The following TENM2 variants were observed in gnomAD, a reference collection of about 807,000 sequenced individuals.
The protein encoded by TENM2 is teneurin-2.
In TENM2, 52 loss-of-function variants were observed where a neutral mutation model predicts 245.2. The observed-to-expected ratio is 0.21, with a 90% CI of 0.17 to 0.27. The LOEUF (loss-of-function observed/expected upper bound fraction) is 0.27, where lower values mean the gene tolerates loss of function less well. TENM2 is among the 10% of genes least tolerant of loss of function. The pLI is 1.00. For missense variants in TENM2, 3,046 were observed against 3,666.8 expected, an observed-to-expected ratio of 0.83 and a Z score of 4.37; for synonymous variants, 1,363 against 1,438.9, an observed-to-expected ratio of 0.95 and a Z score of 1.19.
At chr5:167,934,527 T>C (rs962500052) in intron 3 of TENM2, among the ~76,000 whole-genome samples, 2 of 152,180 alleles carry the variant, frequency 1.3e-5, no homozygotes, top group African/African-American at 4.8e-5. Flanking sequence ...TCTGTTTTCC[T>C]CTGGAAAACA....
intron 2 of TENM2, among the ~76,000 whole-genome samples, chr5:167,409,752 CAGGT>C (rs1470953524): frequency 6.6e-6 from 1 of 151,560 alleles, no homozygotes; most frequent in Non-Finnish European, 1.5e-5. Flanking sequence ...CATTTTTATT[CAGGT>C]AGGGGTGTGT....
At chr5:167,060,986 G>C in the TENM2 span, among the ~76,000 whole-genome samples, 1 of 152,012 alleles carries the variant, frequency 6.6e-6, no homozygotes, top group Non-Finnish European at 1.5e-5. Flanking sequence ...ATTTGAGGGA[G>C]TGTCTAGTGT....
chr5:167,804,115 C>T (rs558692785), intron 2 of TENM2, among the ~76,000 whole-genome samples: 11 of 151,988 alleles, frequency 7.2e-5, no homozygotes, highest in Non-Finnish European at 1.6e-4. Context: ...ATATGAAATT[C>T]GAAGCATTTC....
At chr5:167,023,092 C>G in the TENM2 span, among the ~76,000 whole-genome samples, 1 of 152,162 alleles carries the variant, frequency 6.6e-6, no homozygotes, top group African/African-American at 2.4e-5. Context: ...ATGCTCCCTC[C>G]ATCCCCCTTC....
chr5:167,142,526 T>G, the TENM2 span, among the ~76,000 whole-genome samples: 7,415 of 151,888 alleles, frequency 0.049, 607 homozygotes, highest in African/African-American at 0.17. Flanking sequence ...GAAGTATCAT[T>G]CAATCTCTCT....
chr5:167,525,601 A>T (rs183421898), intron 2 of TENM2, among the ~76,000 whole-genome samples: 1 of 152,176 alleles, frequency 6.6e-6, no homozygotes, highest in African/African-American at 2.4e-5. Context: ...CACTCTGGGT[A>T]TCGCTAAAGT....
chr5:168,103,368 A>G (rs76222151), intron 9 of TENM2, among the ~76,000 whole-genome samples: 1,639 of 152,290 alleles, frequency 0.011, 33 homozygotes, highest in African/African-American at 0.036. Context: ...ATACAAAGCC[A>G]TTAGCTAATT....
chr5:167,541,121 A>G (rs755272283), intron 2 of TENM2, among the ~76,000 whole-genome samples: 16 of 152,170 alleles, frequency 1.1e-4, no homozygotes, highest in Non-Finnish European at 1.9e-4. Context: ...ATATTATAGG[A>G]CTTTGTCCCC....
At chr5:167,597,162 TTTC>T (rs1223016353) in intron 2 of TENM2, among the ~76,000 whole-genome samples, 1,332 of 91,230 alleles carry the variant, frequency 0.015, 9 homozygotes, top group Non-Finnish European at 0.018. Flanking sequence ...TTTCTTTTCT[TTTC>T]TTTTTTTTTT....
intron 2 of TENM2, among the ~76,000 whole-genome samples, chr5:167,793,841 G>GA (rs918521201): frequency 5.4e-5 from 8 of 148,530 alleles, no homozygotes; most frequent in East Asian, 2.0e-4. Flanking sequence ...AAAAAAAAAA[G>GA]AAAAAAAAAG....
At chr5:168,115,296 AAAAG>A (rs1198463163) in intron 9 of TENM2, among the ~76,000 whole-genome samples, 1 of 148,234 alleles carries the variant, frequency 6.7e-6, no homozygotes, top group African/African-American at 2.5e-5. Context: ...CTGTCTCAAA[AAAAG>A]AAAGAAGGAA....
the TENM2 span, among the ~76,000 whole-genome samples, chr5:167,211,082 C>CT: frequency 6.6e-6 from 1 of 152,118 alleles, no homozygotes; most frequent in Non-Finnish European, 1.5e-5. Flanking sequence ...CTTGGAAAAA[C>CT]TTTAAGATCT....
At chr5:167,275,944 G>A in the TENM2 span, among the ~76,000 whole-genome samples, 1 of 151,962 alleles carries the variant, frequency 6.6e-6, no homozygotes, top group Non-Finnish European at 1.5e-5. Context: ...TGAATTCTCA[G>A]GGGAGATACT....
chr5:167,276,912 G>A, the TENM2 span, among the ~76,000 whole-genome samples: 9 of 152,096 alleles, frequency 5.9e-5, no homozygotes, highest in African/African-American at 2.2e-4. Flanking sequence ...TGGTGGGCCA[G>A]CTATATTCTC....
intron 12 of TENM2, 50 bp downstream of exon 14, chr5:168,127,016 G>T (rs548413331): frequency 1.0e-5 from 15 of 1,466,740 alleles, no homozygotes; most frequent in African/African-American, 1.4e-5. Context: ...TGATGGTCGC[G>T]CATGGCAACT....
chr5:167,283,478 G>A (rs935607103), upstream of TENM2, among the ~76,000 whole-genome samples: 3 of 152,228 alleles, frequency 2.0e-5, no homozygotes, highest in Non-Finnish European at 4.4e-5. Context: ...AAAAAACAAG[G>A]GAGGGGCTAC....
At chr5:167,225,379 G>A in the TENM2 span, among the ~76,000 whole-genome samples, 32,245 of 151,934 alleles carry the variant, frequency 0.21, 4,092 homozygotes, top group African/African-American at 0.36. Flanking sequence ...ATGAAGCGAT[G>A]TTGTGTTTTG....
chr5:167,029,978 AAATAGCCAC>A, the TENM2 span, among the ~76,000 whole-genome samples: 1 of 152,174 alleles, frequency 6.6e-6, no homozygotes, highest in Non-Finnish European at 1.5e-5. Flanking sequence ...ACAAAATTTC[AAATAGCCAC>A]ATGAGTACTC....
the TENM2 span, among the ~76,000 whole-genome samples, chr5:167,070,170 T>C: frequency 7.3e-6 from 1 of 137,306 alleles, no homozygotes; most frequent in East Asian, 2.0e-4. Context: ...CAGGCTGGAG[T>C]GCAGGGGCGC....
Sources: allele counts gnomAD v4.1 joint callset (sites outside exome capture counted in the v4.1 genomes callset), GRCh38; gene constraint gnomAD v4.1.1; transcripts MANE v1.5; gene names NCBI Gene and HGNC (gene_info 2026-07-23, HGNC 2026-07-21).